Variants in ASIC2 observed in about 807,000 individuals in gnomAD.
ASIC2 encodes the protein acid-sensing ion channel 2.
ASIC2 carries 25 observed loss-of-function variants against 57.3 expected under a neutral mutation model. The ratio of observed to expected loss-of-function variants is 0.44; its 90% confidence interval spans 0.32 to 0.61. ASIC2 has a LOEUF of 0.61. Among genes scored for constraint, ASIC2 ranks in the 20% least tolerant of loss-of-function variants. The pLI, the probability that ASIC2 is intolerant of heterozygous loss-of-function variation, is 0.06. For synonymous variants in ASIC2, 319 were observed against 307.5 expected (o/e 1.04, Z -0.39); for missense variants, 641 against 738.1 (o/e 0.87, Z 1.52).
At chr17:33,029,028 T>C (rs912063763) in intron 3 of ASIC2, among the ~76,000 whole-genome samples, 11 of 152,174 alleles carry the variant, frequency 7.2e-5, no homozygotes, top group African/African-American at 2.4e-4. Context: ...AATGCTCTCA[T>C]AGCATCTATG....
intron 1 of ASIC2, among the ~76,000 whole-genome samples, chr17:33,361,009 G>A (rs996150113): frequency 3.9e-5 from 6 of 152,180 alleles, no homozygotes; most frequent in African/African-American, 1.4e-4. Context: ...AGAGCTTGGA[G>A]TGCTTTCAGA....
chr17:33,530,278 A>G (rs1234177830), intron 1 of ASIC2: 1 of 152,220 alleles, frequency 6.6e-6, no homozygotes, highest in African/African-American at 2.4e-5. Flanking sequence ...ACAGAACCTA[A>G]ATGCTTTGTA....
intron 1 of ASIC2, among the ~76,000 whole-genome samples, chr17:33,287,836 T>C (rs567468044): frequency 8.5e-5 from 13 of 152,218 alleles, no homozygotes; most frequent in African/African-American, 2.4e-4. Flanking sequence ...AGCACAGGTG[T>C]CTGGGGAGTG....
At chr17:34,066,197 C>G (rs908812566) in intron 1 of ASIC2, among the ~76,000 whole-genome samples, 5 of 152,178 alleles carry the variant, frequency 3.3e-5, no homozygotes, top group Non-Finnish European at 7.3e-5. Context: ...GATCCCTACC[C>G]TTAAAGGACT....
intron 1 of ASIC2, among the ~76,000 whole-genome samples, chr17:33,357,721 C>T (rs1184921426): frequency 2.0e-5 from 3 of 152,248 alleles, no homozygotes; most frequent in Middle Eastern, 3.4e-3. Flanking sequence ...GAACCTGGAG[C>T]CCTGAGTATG....
chr17:33,304,194 G>A (rs1906075665), intron 1 of ASIC2, among the ~76,000 whole-genome samples: 1 of 152,178 alleles, frequency 6.6e-6, no homozygotes, highest in Admixed American at 6.5e-5. Flanking sequence ...TTTTGCATTA[G>A]ATATAAAAAG....
At chr17:33,428,748 C>T (rs778697473) in intron 1 of ASIC2, among the ~76,000 whole-genome samples, 3 of 152,174 alleles carry the variant, frequency 2.0e-5, no homozygotes, top group South Asian at 2.1e-4. Flanking sequence ...TCTCCACTGA[C>T]GGACAGCCCT....
rs917192498 is a variant in ASIC2 at position 33,822,285 on chromosome 17, G to C, written c.555+333693C>G. On this transcript the variant is annotated intron_variant, in intron 1 of 9. Transcript: ENST00000359872. ...CAGTTCTCCCGGGAGTCCTGCATTGGGCTTTAGAGGTAACACTTTAGATGA... is the reference window on the plus strand; with the variant it reads ...CAGTTCTCCCGGGAGTCCTGCATTGCGCTTTAGAGGTAACACTTTAGATGA... Among the ~76,000 whole-genome samples the C allele has an allele frequency of 5.9e-5, 9 of 152,224 alleles. No individual in the cohort carries two copies. The South Asian group carries it at 1.9e-3, about 32-fold the overall frequency.
At chr17:33,608,710 G>A (rs1357622607) in intron 1 of ASIC2, among the ~76,000 whole-genome samples, 1 of 152,162 alleles carries the variant, frequency 6.6e-6, no homozygotes, top group Non-Finnish European at 1.5e-5. Flanking sequence ...AGGAAGAGGA[G>A]AGCTTTTGTG....
chr17:33,925,540 G>A (rs1012416423), intron 1 of ASIC2, among the ~76,000 whole-genome samples: 4 of 152,188 alleles, frequency 2.6e-5, no homozygotes, highest in African/African-American at 9.7e-5. Context: ...TGGCCATGTG[G>A]CCTCGTCTGC....
At chr17:33,407,652 T>C (rs986161564) in intron 1 of ASIC2, among the ~76,000 whole-genome samples, 1 of 152,200 alleles carries the variant, frequency 6.6e-6, no homozygotes, top group African/African-American at 2.4e-5. Flanking sequence ...AAGTTAGTAA[T>C]GAAACAGTCT....
intron 3 of ASIC2, among the ~76,000 whole-genome samples, chr17:33,070,168 C>T (rs1003147171): frequency 6.6e-5 from 10 of 151,976 alleles, no homozygotes; most frequent in African/African-American, 2.4e-4. Context: ...TCCATCTTGT[C>T]CTTTACGATA....
At chr17:33,166,696 C>T (rs932335011) in intron 1 of ASIC2, among the ~76,000 whole-genome samples, 4 of 152,194 alleles carry the variant, frequency 2.6e-5, no homozygotes, top group African/African-American at 9.6e-5. Flanking sequence ...CAGGGAAGTA[C>T]AGTGAGAGTC....
rs543801521 is a variant in ASIC2, at chr17:34,033,526, G to T, written c.555+122452C>A. 7.9e-5 allele frequency among the ~76,000 whole-genome samples: 12 copies of T among 152,254 alleles called. No individual in the cohort carries two copies. The South Asian group carries it at 2.1e-3, about 26-fold the overall frequency. On this transcript the variant is annotated intron_variant, in intron 1 of 9. Coordinates refer to the ASIC2 transcript ENST00000359872. ...AAATAACTAAGATCAGAGCAGAACTGAAGGAAATAGAGACACAAAAAACCC... is the reference window on the plus strand; with the variant it reads ...AAATAACTAAGATCAGAGCAGAACTTAAGGAAATAGAGACACAAAAAACCC...
At chr17:34,043,138 G>A (rs1185660740) in intron 1 of ASIC2, among the ~76,000 whole-genome samples, 2 of 152,176 alleles carry the variant, frequency 1.3e-5, no homozygotes, top group African/African-American at 2.4e-5. Context: ...TAGGGAAGAA[G>A]GAAGGGCATG....
chr17:33,926,882 G>A (rs1473542565), intron 1 of ASIC2, among the ~76,000 whole-genome samples: 2 of 152,128 alleles, frequency 1.3e-5, no homozygotes, highest in Middle Eastern at 3.2e-3. Context: ...ATGAGGTCAG[G>A]CACAGAATTT....
chr17:33,874,670 T>C (rs1055048142), intron 1 of ASIC2, among the ~76,000 whole-genome samples: 3 of 152,202 alleles, frequency 2.0e-5, no homozygotes, highest in African/African-American at 7.2e-5. Flanking sequence ...CCTGACTTCC[T>C]CTTTCTATCA....
intron 1 of ASIC2, among the ~76,000 whole-genome samples, chr17:33,314,703 G>A (rs1906570747): frequency 6.6e-6 from 1 of 152,188 alleles, no homozygotes; most frequent in East Asian, 1.9e-4. Context: ...AGATAGGCAA[G>A]TCAGGGGCTC....
chr17:33,098,959 CAAAAATATATAAACA>C (rs2092197382), intron 2 of ASIC2, among the ~76,000 whole-genome samples: 1 of 143,482 alleles, frequency 7.0e-6, no homozygotes, highest in Non-Finnish European at 1.5e-5. Context: ...TATATATAAA[CAAAAATATATAAACA>C]AAAAATATAT....
Sources: allele counts gnomAD v4.1 joint callset (sites outside exome capture counted in the v4.1 genomes callset), GRCh38; gene constraint gnomAD v4.1.1; transcripts MANE v1.5; gene names NCBI Gene and HGNC (gene_info 2026-07-23, HGNC 2026-07-21).